The following GAREM1 variants were observed in gnomAD, a reference collection of about 807,000 sequenced individuals.
The protein encoded by GAREM1 is GRB2-associated and regulator of MAPK protein 1.
GAREM1 carries 26 observed loss-of-function variants against 71.3 expected under a neutral mutation model. The observed-to-expected ratio is 0.36, with a 90% CI of 0.27 to 0.51. The LOEUF is 0.51. GAREM1 is among the 20% of genes least tolerant of loss of function. The pLI is 0.95. For synonymous variants in GAREM1, 440 were observed against 433.2 expected, an observed-to-expected ratio of 1.02 and a Z score of -0.20; for missense variants, 1,026 against 1,103.1, an observed-to-expected ratio of 0.93 and a Z score of 0.99.
At chr18:32,417,263 G>A (rs1248279837) in intron 1 of GAREM1, among the ~76,000 whole-genome samples, 3 of 152,202 alleles carry the variant, frequency 2.0e-5, no homozygotes, top group Non-Finnish European at 4.4e-5. Context: ...CTCATACACT[G>A]TTGGTAGTAA....
chr18:32,265,363 G>C lies in GAREM1; in HGVS notation c.*2508C>G, dbSNP rs1333442344. ...AGTTTTAGTGATCTTGGGGTGTTCTGTACCCCTTAATAGAGGCTGACGTTT... is the reference window on the plus strand; with the variant it reads ...AGTTTTAGTGATCTTGGGGTGTTCTCTACCCCTTAATAGAGGCTGACGTTT... On this transcript the variant is annotated 3_prime_UTR_variant, in exon 6 of 6. Coordinates refer to ENST00000269209, the MANE Select transcript of GAREM1 (RefSeq NM_001242409.2). 7 of 152,194 alleles carry C rather than the reference G, an allele frequency of 4.6e-5. No homozygotes were observed. Among genetic ancestry groups the C allele is most frequent in the Non-Finnish European group, 7.3e-5 (5 of 68,046 alleles). 9.4% of individuals were successfully genotyped at this position (152,194 alleles called of 1,614,324 possible). A position where few individuals can be genotyped will look rare whatever the true frequency, so the allele number is the denominator to read the frequency against.
chr18:32,424,834 C>T (rs895289264), intron 1 of GAREM1, among the ~76,000 whole-genome samples: 1 of 152,164 alleles, frequency 6.6e-6, no homozygotes, highest in Non-Finnish European at 1.5e-5. Context: ...AGCATGTTGT[C>T]AAATAGTACT....
intron 4 of GAREM1, among the ~76,000 whole-genome samples, chr18:32,276,502 T>A (rs2041544627): frequency 6.6e-6 from 1 of 152,206 alleles, no homozygotes; most frequent in Admixed American, 6.5e-5. Context: ...GTAAGTGTGA[T>A]AAGACAAGTA....
intron 3 of GAREM1, among the ~76,000 whole-genome samples, chr18:32,295,132 T>C (rs944871696): frequency 3.9e-5 from 6 of 152,098 alleles, no homozygotes; most frequent in Non-Finnish European, 7.4e-5. Flanking sequence ...TGGCATGATC[T>C]CGGCTCGCTG....
chr18:32,343,311 G>GTTTTTTTTTTGTTTTGT (rs1390930004), intron 2 of GAREM1, among the ~76,000 whole-genome samples: 24 of 118,870 alleles, frequency 2.0e-4, no homozygotes, highest in African/African-American at 8.0e-4. Flanking sequence ...CTCCCCCACT[G>GTTTTTTTTTTGTTTTGT]TTTTTTTTTT....
chr18:32,434,214 T>C (rs2048652942), intron 1 of GAREM1, among the ~76,000 whole-genome samples: 1 of 152,204 alleles, frequency 6.6e-6, no homozygotes, highest in South Asian at 2.1e-4. Context: ...AAAAAGAACC[T>C]TGTTGTGTTA....
At chr18:32,464,757 T>A (rs1057288174) in intron 1 of GAREM1, among the ~76,000 whole-genome samples, 12 of 138,066 alleles carry the variant, frequency 8.7e-5, no homozygotes, top group African/African-American at 3.4e-4. Flanking sequence ...GAAGCCTCCC[T>A]CAACTGATCC....
intron 2 of GAREM1, among the ~76,000 whole-genome samples, chr18:32,372,283 A>C (rs2047988104): frequency 6.6e-6 from 1 of 152,254 alleles, no homozygotes; most frequent in African/African-American, 2.4e-5. Context: ...CCTTTAAGTT[A>C]TCAGAATTGT....
At chr18:32,432,036 G>T (rs1258483529) in intron 1 of GAREM1, among the ~76,000 whole-genome samples, 1 of 152,096 alleles carries the variant, frequency 6.6e-6, no homozygotes, top group Non-Finnish European at 1.5e-5. Context: ...GTTGTCAGCA[G>T]ATCTGCCCTA....
chr18:32,378,057 TGC>T (rs1555640407), intron 2 of GAREM1, among the ~76,000 whole-genome samples: 24 of 127,620 alleles, frequency 1.9e-4, no homozygotes, highest in African/African-American at 4.8e-4. Flanking sequence ...TGTGTGTGTG[TGC>T]GCGCGGGCGC....
chr18:32,272,067 C>A (rs1460609855), intron 4 of GAREM1, among the ~76,000 whole-genome samples: 1 of 152,198 alleles, frequency 6.6e-6, no homozygotes, highest in African/African-American at 2.4e-5. Context: ...TCTGGCCAAG[C>A]AGCTCTGGGA....
chr18:32,310,274 T>C lies in GAREM1; in HGVS notation c.312A>G (p.Gln104=), dbSNP rs376254076. The C allele has an allele frequency of 3.1e-6, 5 of 1,614,186 alleles. No individual in the cohort carries two copies. Among genetic ancestry groups the C allele is most frequent in the Middle Eastern group, 1.6e-4 (1 of 6,062 alleles). Reference sequence around the variant, plus strand: ...CCACCTCCTCCACACTGTTGAAATATTGCACTGGCTCCTTTATATCTCGGT... The same window carrying C: ...CCACCTCCTCCACACTGTTGAAATACTGCACTGGCTCCTTTATATCTCGGT... ...EQDRDIKEPV[Q]YFNSVEEVAK... is the part of the protein sequence containing the mutation. Residue 104 remains glutamine, a synonymous_variant, in exon 3 of 6, where the codon CAA becomes CAG. Coordinates refer to ENST00000269209, the MANE Select transcript of GAREM1 (RefSeq NM_001242409.2).
In GAREM1 at chr18:32,293,162, G is replaced by GAC. The variant is rs150573267; in HGVS notation, c.394-4961_394-4960dup. Among the ~76,000 whole-genome samples the GAC allele has an allele frequency of 6.8e-3, 1,022 of 149,918 alleles. 18 individuals are homozygous for GAC. Among genetic ancestry groups the GAC allele is most frequent in the East Asian group, 0.045 (231 of 5,138 alleles). The stretch of plus-strand genomic sequence containing the variant: ...ACACACAGACACACACACACACACA[G>GAC]ACACACACACACACGTATATCTTAG... On this transcript the variant is annotated intron_variant, in intron 3 of 5. Transcript: ENST00000269209.
In GAREM1 at chr18:32,280,435, C is replaced by G. The variant is rs185698428; in HGVS notation, c.1566+6596G>C. Among the ~76,000 whole-genome samples, 216 of 152,266 alleles carry G rather than the reference C, an allele frequency of 1.4e-3. 8 individuals are homozygous for G. Among genetic ancestry groups the G allele is most frequent in the Admixed American group, 0.014 (213 of 15,290 alleles). ...TCAGTTATCCAAGGCCACTTCTCACCTTTGATATTTCTGTGTTGGTTTGCC... is the reference window on the plus strand; with the variant it reads ...TCAGTTATCCAAGGCCACTTCTCACGTTTGATATTTCTGTGTTGGTTTGCC... On this transcript the variant is annotated intron_variant, in intron 4 of 5. Transcript: ENST00000269209.
chr18:32,470,420 C>G lies in GAREM1; in HGVS notation c.9G>C (p.Pro3=). Residue 3 remains proline (P), a synonymous_variant, in exon 1 of 6, where the codon CCG becomes CCC. Coordinates refer to ENST00000269209, the MANE Select transcript of GAREM1 (RefSeq NM_001242409.2). The surrounding 1 kb of genome is among the most constrained non-coding windows in gnomAD (Gnocchi z 4.4). ...TGAGGCTGCAGCCCAGCGAGGGCGC[C>G]GGGTCCATCTTCCCCGAAGCCTCCT... MD[P]APSLGCSLKD... 2 of 1,511,898 alleles carry G rather than the reference C, an allele frequency of 1.3e-6. No homozygotes were observed. Among genetic ancestry groups the G allele is most frequent in the Non-Finnish European group, 8.9e-7 (1 of 1,126,014 alleles). The allele number at this position is 1,511,898 out of a possible 1,614,324, so 93.7% of individuals were successfully genotyped here. A position where few individuals can be genotyped will look rare whatever the true frequency, so the allele number is the denominator to read the frequency against.
At chr18:32,344,070 A>G (rs1177309699) in intron 2 of GAREM1, among the ~76,000 whole-genome samples, 1 of 151,992 alleles carries the variant, frequency 6.6e-6, no homozygotes, top group African/African-American at 2.4e-5. Context: ...CTCCCATCTC[A>G]TCTTGAAGGA....
intron 2 of GAREM1, among the ~76,000 whole-genome samples, chr18:32,373,786 A>T (rs184573124): frequency 6.6e-6 from 1 of 152,164 alleles, no homozygotes; most frequent in Non-Finnish European, 1.5e-5. Flanking sequence ...AGTGGACCAG[A>T]TCTACTGCCA....
chr18:32,315,469 T>C (rs914332716), intron 2 of GAREM1, among the ~76,000 whole-genome samples: 4 of 147,020 alleles, frequency 2.7e-5, no homozygotes, highest in South Asian at 4.2e-4. Context: ...TATATAAATA[T>C]ATATAAAAGT....
intron 2 of GAREM1, among the ~76,000 whole-genome samples, chr18:32,326,363 C>T (rs1478230089): frequency 6.6e-6 from 1 of 152,108 alleles, no homozygotes; most frequent in Non-Finnish European, 1.5e-5. Context: ...AATTTGTGAC[C>T]ATAATGACAG....
Sources: gnomAD v4.1 joint callset for allele counts (sites outside exome capture counted in the v4.1 genomes callset) on GRCh38, gnomAD v4.1.1 for gene constraint, Gnocchi (gnomAD v3.1) non-coding constraint, MANE v1.5 for transcripts, NCBI Gene and HGNC (gene_info 2026-07-23, HGNC 2026-07-21) for gene names.